Variants in ADGRV1 observed in about 807,000 individuals in gnomAD.
The protein encoded by ADGRV1 is G-protein coupled receptor 98.
A neutral mutation model predicts 596.2 loss-of-function variants in ADGRV1; 359 were observed. The ratio of observed to expected loss-of-function variants is 0.60; its 90% CI spans 0.55 to 0.66. The LOEUF (loss-of-function observed/expected upper bound fraction) is 0.66, where lower values mean the gene tolerates loss of function less well. Among genes scored for constraint, ADGRV1 ranks in the 30% least tolerant of loss-of-function variants. The pLI is 0.00. For missense variants in ADGRV1, 7,274 were observed against 7,575.6 expected, an observed-to-expected ratio of 0.96 and a Z score of 1.48; for synonymous variants, 2,681 against 2,679.2, an observed-to-expected ratio of 1.00 and a Z score of -0.02.
intron 10 of ADGRV1, 139 bp downstream of exon 10, chr5:90,635,429 T>C (rs953493357): frequency 7.6e-5 from 52 of 687,056 alleles, no homozygotes; most frequent in East Asian, 4.3e-4. Context: ...GTATGTCATT[T>C]GAAATAGGTA....
At chr5:91,054,096 T>TGAGAGAGA (rs1456077883) in intron 85 of ADGRV1, among the ~76,000 whole-genome samples, 16 of 122,102 alleles carry the variant, frequency 1.3e-4, no homozygotes, top group African/African-American at 5.1e-4. Flanking sequence ...TGTGTGTGTG[T>TGAGAGAGA]GTGTGTGAGA....
chr5:90,883,585 C>G (rs181723366), intron 83 of ADGRV1, among the ~76,000 whole-genome samples: 17 of 152,280 alleles, frequency 1.1e-4, no homozygotes, highest in Admixed American at 2.0e-4. Flanking sequence ...CTGCCTTTCT[C>G]TCCCACCTTC....
At chr5:90,583,928 A>T (rs551577741) in intron 1 of ADGRV1, among the ~76,000 whole-genome samples, 2 of 152,292 alleles carry the variant, frequency 1.3e-5, no homozygotes, top group East Asian at 3.9e-4. Context: ...TTCCCATATG[A>T]CTATTAGTAA....
chr5:90,976,214 G>GTATA (rs199752660), intron 84 of ADGRV1, among the ~76,000 whole-genome samples: 9,383 of 140,808 alleles, frequency 0.067, 379 homozygotes, highest in South Asian at 0.14. Context: ...GTGTGTGAGT[G>GTATA]TGTATATATA....
At chr5:90,565,502 T>C (rs1403143166) in intron 1 of ADGRV1, among the ~76,000 whole-genome samples, 2 of 152,236 alleles carry the variant, frequency 1.3e-5, no homozygotes, top group African/African-American at 4.8e-5. Context: ...TGTTGTACCA[T>C]GTAGCAATAC....
chr5:90,893,166 G>T (rs1770983323), intron 83 of ADGRV1, among the ~76,000 whole-genome samples: 1 of 152,146 alleles, frequency 6.6e-6, no homozygotes, highest in Admixed American at 6.6e-5. Flanking sequence ...AGGGTAGATA[G>T]TCTGTTTCCA....
intron 64 of ADGRV1, among the ~76,000 whole-genome samples, chr5:90,780,381 A>T (rs1336013940): frequency 6.6e-6 from 1 of 152,168 alleles, no homozygotes; most frequent in African/African-American, 2.4e-5. Flanking sequence ...TTTGCCTTTT[A>T]TATAATTCGC....
intron 57 of ADGRV1, among the ~76,000 whole-genome samples, chr5:90,758,928 A>G (rs1756138907): frequency 6.6e-6 from 1 of 152,142 alleles, no homozygotes; most frequent in Non-Finnish European, 1.5e-5. Flanking sequence ...AACCAATGGG[A>G]TTTATTTTAA....
intron 2 of ADGRV1, chr5:90,617,190 G>C (rs972299036): frequency 6.6e-6 from 1 of 152,026 alleles, no homozygotes; most frequent in African/African-American, 2.4e-5. Context: ...GTCTACTCCA[G>C]ATCAATCAAG....
In ADGRV1 at chr5:90,672,552, G is replaced by A; in HGVS notation, c.4759G>A (p.Glu1587Lys). 6.2e-7 allele frequency: 1 copy of A among 1,613,140 alleles called. No homozygotes were observed. Among genetic ancestry groups the A allele is most frequent in the South Asian group, 1.1e-5 (1 of 90,980 alleles). Residue 1587 changes from glutamate to lysine, a missense_variant, in exon 22 of 90, where the codon GAG becomes AAG. This residue lies in a region of ADGRV1 where 3,643 missense variants were observed against 3,809.2 expected (regional missense o/e 0.96). Transcript: ENST00000405460. ...FTGACIPEIA[E>K]EGSTISCVVE... is the part of the protein sequence containing the mutation. Reference sequence around the variant, plus strand: ...AATTTACATTCAATTTCAGATTGCAGAGGAGGGATCAACCATTTCTTGTGT... The same window carrying A: ...AATTTACATTCAATTTCAGATTGCAAAGGAGGGATCAACCATTTCTTGTGT...
Position 90,783,144 on chromosome 5 carries a change from A to T in ADGRV1, c.13252A>T (p.Ile4418Phe). Residue 4418 changes from isoleucine (I) to phenylalanine (F), a missense_variant, in exon 66 of 90, where the codon ATC (isoleucine) becomes TTC (phenylalanine). Transcript: ENST00000405460. ...TACAGTGGAGGAAGATGTTGGGCTGATCATGATCCCAGTGGTGAGGCTACA... is the reference window on the plus strand; with the variant it reads ...TACAGTGGAGGAAGATGTTGGGCTGTTCATGATCCCAGTGGTGAGGCTACA... ...AFEVEEDVGL[I>F]MIPVVRLHGT... 6.2e-7 allele frequency: 1 copy of T among 1,613,546 alleles called. No homozygotes were observed. The highest frequency in any genetic ancestry group is 8.5e-7 in the Non-Finnish European group (1 of 1,179,574).
chr5:90,867,654 A>C (rs770206972), intron 83 of ADGRV1, among the ~76,000 whole-genome samples: 5 of 152,204 alleles, frequency 3.3e-5, no homozygotes, highest in Admixed American at 2.6e-4. Context: ...TCTGGATACT[A>C]TGAATCCTGG....
At chr5:90,813,744 TGACA>T (rs1201023251) in intron 74 of ADGRV1, among the ~76,000 whole-genome samples, 4 of 152,218 alleles carry the variant, frequency 2.6e-5, no homozygotes, top group Non-Finnish European at 5.9e-5. Context: ...TTTCCCTACC[TGACA>T]TTTTTTTCTT....
chr5:90,728,753 G>A lies in ADGRV1; in HGVS notation c.10246G>A (p.Gly3416Arg), dbSNP rs1407516591. ...GVLTVALFNKGGSVFLAISQA... is the reference protein window; with the variant it reads ...GVLTVALFNKRGSVFLAISQA... ...GCTGACCGTGGCCTTGTTCAACAAGGGAGGCTCTGTGTTCTTAGCCATTTC... is the reference window on the plus strand; with the variant it reads ...GCTGACCGTGGCCTTGTTCAACAAGAGAGGCTCTGTGTTCTTAGCCATTTC... Residue 3416 changes from glycine to arginine, a missense_variant, in exon 49 of 90, where the codon GGA becomes AGA. Around this residue, in one of 5 missense-constraint regions of ADGRV1, gnomAD observed 3,643 missense variants for 3,809.2 expected, o/e 0.96. Transcript: ENST00000405460. 6.2e-7 allele frequency: 1 copy of A among 1,613,892 alleles called. No homozygotes were observed. The highest frequency in any genetic ancestry group is 8.5e-7 in the Non-Finnish European group (1 of 1,179,834).
Position 90,811,176 on chromosome 5 carries a change from G to T in ADGRV1, c.15916G>T (p.Gly5306Ter). 13 of 1,613,774 alleles carry T rather than the reference G, an allele frequency of 8.1e-6. No individual in the cohort carries two copies. The highest frequency in any genetic ancestry group is 1.1e-5 in the Non-Finnish European group (13 of 1,179,766). Residue 5306 changes from glycine to a stop codon, truncating the protein, a stop_gained, in exon 74 of 90, where the codon GGA (glycine) becomes TGA (stop). Transcript: ENST00000405460. LOFTEE classifies it high-confidence loss of function. ...AACTCTTACCCTTATATTCCTAGATGGAGAAAGAGAACGTAAAGTATCAGT... is the reference window on the plus strand; with the variant it reads ...AACTCTTACCCTTATATTCCTAGATTGAGAAAGAGAACGTAAAGTATCAGT... ...EQTLTLIFLD[G>*]ERERKVSVQI...
intron 33 of ADGRV1, among the ~76,000 whole-genome samples, 168 bp from the exon 34 acceptor site, chr5:90,696,769 T>C (rs1747243341): frequency 6.6e-6 from 1 of 151,038 alleles, no homozygotes; most frequent in African/African-American, 2.4e-5. Context: ...TGAAAAGATA[T>C]ATATATATAT....
intron 87 of ADGRV1, among the ~76,000 whole-genome samples, chr5:91,131,325 A>T (rs149455811): frequency 6.7e-6 from 1 of 150,146 alleles, no homozygotes; most frequent in East Asian, 2.0e-4. Context: ...ATATCTCATT[A>T]TGGTTTTTAT....
chr5:90,848,033 AT>A (rs1766092256), intron 78 of ADGRV1, among the ~76,000 whole-genome samples: 1 of 152,002 alleles, frequency 6.6e-6, no homozygotes, highest in African/African-American at 2.4e-5. Flanking sequence ...GTCCCCCGTC[AT>A]TTTGGATTTT....
At chr5:90,951,071 G>T (rs1427070970) in intron 83 of ADGRV1, among the ~76,000 whole-genome samples, 2 of 152,186 alleles carry the variant, frequency 1.3e-5, no homozygotes, top group Admixed American at 6.5e-5. Context: ...AAGCTGGTAT[G>T]TAACTCATGC....
Sources: gnomAD v4.1 joint callset for allele counts (sites outside exome capture counted in the v4.1 genomes callset) on GRCh38, gnomAD v4.1.1 for gene constraint, gnomAD v4.1.1 regional missense constraint, MANE v1.5 for transcripts, NCBI Gene and HGNC (gene_info 2026-07-23, HGNC 2026-07-21) for gene names.